XRCC4: variants seen among roughly 807,000 people sequenced by gnomAD.
XRCC4 encodes X-ray repair cross complementing 4.
Under a neutral mutation model 39.1 loss-of-function variants are expected in XRCC4, and 28 were observed. That is an observed-to-expected ratio of 0.72 (90% CI 0.53 to 0.98). The LOEUF (loss-of-function observed/expected upper bound fraction) is 0.98. Among genes scored for constraint, XRCC4 ranks in the 50% least tolerant of loss-of-function variants. XRCC4 has a pLI of 0.00. For synonymous variants in XRCC4, 123 were observed against 126.4 expected (o/e 0.97, Z 0.18); for missense variants, 350 against 376.4 (o/e 0.93, Z 0.58).
intron 3 of XRCC4, among the ~76,000 whole-genome samples, chr5:83,148,411 C>G (rs1748556496): frequency 6.6e-6 from 1 of 152,094 alleles, no homozygotes; most frequent in Non-Finnish European, 1.5e-5. Flanking sequence ...TGTTACTCTT[C>G]AGTTAAATTG....
chr5:83,328,888 C>G (rs556840895), intron 7 of XRCC4, among the ~76,000 whole-genome samples: 1 of 152,116 alleles, frequency 6.6e-6, no homozygotes, highest in African/African-American at 2.4e-5. Context: ...GAGAAGGAAT[C>G]AACTATATAA....
chr5:83,191,180 G>A (rs1004049496), intron 3 of XRCC4, among the ~76,000 whole-genome samples: 1 of 152,102 alleles, frequency 6.6e-6, no homozygotes, highest in Non-Finnish European at 1.5e-5. Flanking sequence ...ATATAAGCAG[G>A]ATATAACTGA....
At chr5:83,177,625 A>C (rs1750019239) in intron 3 of XRCC4, among the ~76,000 whole-genome samples, 1 of 152,190 alleles carries the variant, frequency 6.6e-6, no homozygotes, top group African/African-American at 2.4e-5. Flanking sequence ...TAATTCTAAT[A>C]GGGTCAGAGT....
chr5:83,298,217 T>A (rs1183443145), intron 7 of XRCC4, among the ~76,000 whole-genome samples: 1 of 150,662 alleles, frequency 6.6e-6, no homozygotes, highest in Non-Finnish European at 1.5e-5. Context: ...ACCATAAATG[T>A]TCTATGTGTG....
At chr5:83,101,727 G>T (rs1157171920) in intron 1 of XRCC4, among the ~76,000 whole-genome samples, 2 of 152,056 alleles carry the variant, frequency 1.3e-5, no homozygotes, top group African/African-American at 4.8e-5. Context: ...CATTTTATGT[G>T]CATGACTTGA....
chr5:83,125,687 AC>A (rs1278921753), intron 3 of XRCC4, among the ~76,000 whole-genome samples: 1 of 152,010 alleles, frequency 6.6e-6, no homozygotes, highest in Non-Finnish European at 1.5e-5. Flanking sequence ...CTACATCCTT[AC>A]CCTTTAAGTT....
intron 7 of XRCC4, among the ~76,000 whole-genome samples, chr5:83,322,454 T>A (rs768556586): frequency 2.0e-5 from 3 of 152,102 alleles, no homozygotes; most frequent in Non-Finnish European, 2.9e-5. Flanking sequence ...AAGATAACTT[T>A]CCCTCACTGG....
At chr5:83,158,617 T>C (rs1314333795) in intron 3 of XRCC4, among the ~76,000 whole-genome samples, 2 of 152,024 alleles carry the variant, frequency 1.3e-5, no homozygotes, top group Non-Finnish European at 2.9e-5. Flanking sequence ...ACAAAGACAA[T>C]TTGAGGTTAG....
intron 3 of XRCC4, among the ~76,000 whole-genome samples, chr5:83,169,413 ATTTAGGGTAAACTGTCAGTT>A (rs1338899779): frequency 6.6e-6 from 1 of 152,046 alleles, no homozygotes; most frequent in Non-Finnish European, 1.5e-5. Context: ...TTAGTATTTG[ATTTAGGGTAAACTGTCAGTT>A]TTAATCTAAA....
chr5:83,114,431 G>C (rs1746609773), intron 3 of XRCC4, among the ~76,000 whole-genome samples: 1 of 152,126 alleles, frequency 6.6e-6, no homozygotes, highest in Non-Finnish European at 1.5e-5. Flanking sequence ...TCTTCTGCTA[G>C]ATACCCTAAG....
In XRCC4 at chr5:83,258,569, A is replaced by G. The variant is rs755412315; in HGVS notation, c.785A>G (p.Asp262Gly). The change falls in exon 7 of 8, where the codon GAT becomes GGT. Residue 262 changes from aspartate (D) to glycine (G), a missense_variant. Transcript: ENST00000396027. ...GATGATTCCATTATTTCAAGTCTTG[A>G]TGTCACTGATATTGCACCAAGTAGA... ...SKDDSIISSL[D>G]VTDIAPSRKR... 4.4e-6 allele frequency: 7 copies of G among 1,608,922 alleles called. No individual in the cohort carries two copies. The Admixed American group carries it at 1.2e-4, about 27-fold the overall frequency.
chr5:83,120,524 C>G (rs1746961219), intron 3 of XRCC4, among the ~76,000 whole-genome samples: 1 of 152,170 alleles, frequency 6.6e-6, no homozygotes, highest in Non-Finnish European at 1.5e-5. Context: ...TTTAGAATTT[C>G]ATGTGAATGG....
At chr5:83,200,679 T>C (rs1751151540) in intron 4 of XRCC4, among the ~76,000 whole-genome samples, 1 of 152,196 alleles carries the variant, frequency 6.6e-6, no homozygotes, top group Admixed American at 6.5e-5. Flanking sequence ...TTAAACCAGA[T>C]AAATTACTAA....
At chr5:83,195,080 CCAAA>C (rs1203065859) in intron 3 of XRCC4, among the ~76,000 whole-genome samples, 2 of 152,000 alleles carry the variant, frequency 1.3e-5, no homozygotes, top group Non-Finnish European at 2.9e-5. Context: ...TCCTTATCAG[CCAAA>C]TGGGGAATAC....
intron 7 of XRCC4, among the ~76,000 whole-genome samples, chr5:83,339,599 A>G (rs548889576): frequency 3.5e-4 from 53 of 152,124 alleles, no homozygotes; most frequent in Non-Finnish European, 6.9e-4. Context: ...CACATTCTGC[A>G]CATGTAACCC....
rs192147914 is a variant in XRCC4, at chr5:83,115,249, G to C, written c.315+4046G>C. 3.9e-5 allele frequency among the ~76,000 whole-genome samples: 6 copies of C among 152,202 alleles called. No individual in the cohort carries two copies. In the East Asian group the frequency reaches 1.2e-3, roughly 29 times the overall value. On this transcript the variant is annotated intron_variant, in intron 3 of 7. Transcript: ENST00000396027. Reference sequence around the variant, plus strand: ...TCCAGACCAGGCTGACCAACATGGAGAAACCCCGTCTCTACTAAGAATACA... The same window carrying C: ...TCCAGACCAGGCTGACCAACATGGACAAACCCCGTCTCTACTAAGAATACA...
In XRCC4 at chr5:83,116,608, CTTTTTTTTTTTTTTTTTTTTTT is replaced by C. The variant is rs559079642; in HGVS notation, c.315+5415_315+5436del. ...GAAAGAATTACCAGTTTCTCTCTCTCTTTTTTTTTTTTTTTTTTTTTTTTTTTTTTTGAGATGGAGCCTCACT... is the reference window on the plus strand; with the variant it reads ...GAAAGAATTACCAGTTTCTCTCTCTCTTTTTTTTTGAGATGGAGCCTCACT... On this transcript the variant is annotated intron_variant, in intron 3 of 7. Transcript: ENST00000396027. Among the ~76,000 whole-genome samples, 19 of 103,200 alleles carry C rather than the reference CTTTTTTTTTTTTTTTTTTTTTT, an allele frequency of 1.8e-4. No individual in the cohort carries two copies. The South Asian group carries it at 5.4e-3, about 30-fold the overall frequency. The allele number at this position is 103,200 out of a possible 152,430, so 67.7% of individuals were successfully genotyped here.
chr5:83,213,094 A>G (rs1033522506), intron 6 of XRCC4, among the ~76,000 whole-genome samples: 2 of 152,106 alleles, frequency 1.3e-5, no homozygotes, highest in African/African-American at 4.8e-5. Context: ...GCGGTATAGC[A>G]TTTACAAAAT....
chr5:83,112,739 T>C (rs1746503419), intron 3 of XRCC4, among the ~76,000 whole-genome samples: 2 of 151,684 alleles, frequency 1.3e-5, no homozygotes, highest in South Asian at 2.1e-4. Flanking sequence ...CAAAAGAACA[T>C]GTGCAGGGGA....
Sources: gnomAD v4.1 joint callset for allele counts (sites outside exome capture counted in the v4.1 genomes callset) on GRCh38, gnomAD v4.1.1 for gene constraint, MANE v1.5 for transcripts, NCBI Gene and HGNC (gene_info 2026-07-23, HGNC 2026-07-21) for gene names.